PARD6G: variants seen among roughly 807,000 people sequenced by gnomAD.
PARD6G encodes the protein partitioning defective 6 homolog gamma.
In PARD6G, 7 loss-of-function variants were observed where a neutral mutation model predicts 10.7. The observed-to-expected ratio is 0.66, with a 90% CI of 0.37 to 1.23. The LOEUF (loss-of-function observed/expected upper bound fraction) is 1.23. Ranked by LOEUF, PARD6G falls within the 50% of genes most tolerant of loss-of-function variation. The pLI, the probability that PARD6G is intolerant of heterozygous loss-of-function variation, is 0.02. For synonymous variants in PARD6G, 287 were observed against 269.4 expected (o/e 1.07, Z -0.64); for missense variants, 548 against 571.8 (o/e 0.96, Z 0.42).
In PARD6G at chr18:80,228,026, G is replaced by A. The variant is rs1967313300; in HGVS notation, c.72+19251C>T. On this transcript the variant is annotated intron_variant, in intron 1 of 2. Transcript: ENST00000353265. The surrounding 1 kb of genome is among the most constrained non-coding windows in gnomAD (Gnocchi z 4.6). The stretch of plus-strand genomic sequence containing the variant: ...ATTGAACCCGTATTTTCCTGTGCTG[G>A]GCTGAACGGTGAAAGAAAAATATGG... 6.6e-6 allele frequency among the ~76,000 whole-genome samples: 1 copy of A among 152,144 alleles called. No individual in the cohort carries two copies. Among genetic ancestry groups the A allele is most frequent in the African/African-American group, 2.4e-5 (1 of 41,428 alleles).
intron 2 of PARD6G, among the ~76,000 whole-genome samples, chr18:80,167,359 A>G (rs1204341595): frequency 2.6e-5 from 4 of 152,102 alleles, no homozygotes; most frequent in Non-Finnish European, 4.4e-5. Context: ...TGTGTGCAGG[A>G]TAACACATGG....
At chr18:80,202,643 A>C (rs1967018272) in intron 2 of PARD6G, 67 bp downstream of exon 2, 1 of 1,435,728 alleles carries the variant, frequency 7.0e-7, no homozygotes, top group Non-Finnish European at 9.7e-7. Flanking sequence ...TGACAGAAAA[A>C]ATTGAAAACT....
At position 80,188,487 on chromosome 18, in the gene PARD6G, C is replaced by T. The variant is rs555980537; in HGVS notation, c.295+14223G>A. ...CCTGGGCAGCAGAAGTTGCCCTGCC[C>T]CAAGTTCTGACAGCCCAAAACCCGG... On this transcript the variant is annotated intron_variant, in intron 2 of 2. Transcript: ENST00000353265. The surrounding 1 kb of genome is among the most constrained non-coding windows in gnomAD (Gnocchi z 5.4). Among the ~76,000 whole-genome samples the T allele has an allele frequency of 2.0e-5, 3 of 152,302 alleles. No individual in the cohort carries two copies. The highest frequency in any genetic ancestry group is 2.0e-4 in the Admixed American group (3 of 15,302).
At chr18:80,204,707 G>C (rs1599863554) in intron 1 of PARD6G, among the ~76,000 whole-genome samples, 1 of 151,940 alleles carries the variant, frequency 6.6e-6, no homozygotes. Flanking sequence ...CCAGCAGTTT[G>C]GGAGGCCAAG....
chr18:80,178,629 C>T (rs2052830248), intron 2 of PARD6G, among the ~76,000 whole-genome samples: 2 of 152,244 alleles, frequency 1.3e-5, no homozygotes, highest in African/African-American at 4.8e-5. Flanking sequence ...CCCCCAGTCT[C>T]CCTAGCAACG....
chr18:80,186,577 A>C (rs1599855850), intron 2 of PARD6G, among the ~76,000 whole-genome samples: 1 of 149,000 alleles, frequency 6.7e-6, no homozygotes, highest in Non-Finnish European at 1.5e-5. Context: ...GCCCTTGCAC[A>C]CCCCCCCAAA....
At position 80,201,064 on chromosome 18, in the gene PARD6G, G is replaced by C. The variant is rs1967003047; in HGVS notation, c.295+1646C>G. ...AAATGCTGTGACCTGGGATGGCAGG[G>C]GCACAGCCAGGAACACACCCCCACC... On this transcript the variant is annotated intron_variant, in intron 2 of 2. Transcript: ENST00000353265. The surrounding 1 kb of genome is among the most constrained non-coding windows in gnomAD (Gnocchi z 5.9). Among the ~76,000 whole-genome samples the C allele has an allele frequency of 6.6e-6, 1 of 152,192 alleles. No homozygotes were observed. Among genetic ancestry groups the C allele is most frequent in the Non-Finnish European group, 1.5e-5 (1 of 68,042 alleles).
intron 1 of PARD6G, among the ~76,000 whole-genome samples, chr18:80,218,998 C>G (rs953355387): frequency 1.3e-5 from 2 of 152,254 alleles, no homozygotes; most frequent in African/African-American, 4.8e-5. Flanking sequence ...AGTGCCAAGG[C>G]TGCAGACAGC....
rs1351593781 is a variant in PARD6G, at chr18:80,189,928, A to AATTCAGTGTTTTTTAGTAT, written c.295+12763_295+12781dup. On this transcript the variant is annotated intron_variant, in intron 2 of 2. Transcript: ENST00000353265. The surrounding 1 kb of genome is among the most constrained non-coding windows in gnomAD (Gnocchi z 5.5). ...AAGAGCTCATTCTCTTAAAGTGTAC[A>AATTCAGTGTTTTTTAGTAT]ATTCAGTGTTTTTTAGTATATTCAG... 9.8e-5 allele frequency among the ~76,000 whole-genome samples: 15 copies of AATTCAGTGTTTTTTAGTAT among 152,304 alleles called. No homozygotes were observed. The highest frequency in any genetic ancestry group is 3.6e-4 in the African/African-American group (15 of 41,556).
rs952386220 is a variant in PARD6G, at chr18:80,188,356, T to C, written c.295+14354A>G. On this transcript the variant is annotated intron_variant, in intron 2 of 2. Coordinates refer to ENST00000353265, the MANE Select transcript of PARD6G (RefSeq NM_032510.4). This position sits in a 1 kb window ranked among gnomAD's most constrained non-coding sequence, Gnocchi z 5.4. ...TGTCTTGGGGAACAGAGACTTGGATTCCAGTGCTGGTGTCTCTTCCAACAA... is the reference window on the plus strand; with the variant it reads ...TGTCTTGGGGAACAGAGACTTGGATCCCAGTGCTGGTGTCTCTTCCAACAA... Among the ~76,000 whole-genome samples, 1 of 152,164 alleles carries C rather than the reference T, an allele frequency of 6.6e-6. No individual in the cohort carries two copies. Among genetic ancestry groups the C allele is most frequent in the Non-Finnish European group, 1.5e-5 (1 of 68,022 alleles).
chr18:80,202,266 T>C (rs776427532), intron 2 of PARD6G, among the ~76,000 whole-genome samples: 3 of 152,174 alleles, frequency 2.0e-5, no homozygotes, highest in Non-Finnish European at 4.4e-5. Flanking sequence ...TAGTAATTTA[T>C]TTTAACATAA....
chr18:80,222,419 C>T (rs1967241919), intron 1 of PARD6G, among the ~76,000 whole-genome samples: 2 of 152,258 alleles, frequency 1.3e-5, no homozygotes, highest in South Asian at 2.1e-4. Context: ...GACAGCAATA[C>T]TCCCCAAATT....
chr18:80,223,593 T>G (rs9956658), intron 1 of PARD6G, among the ~76,000 whole-genome samples: 3,909 of 152,296 alleles, frequency 0.026, 162 homozygotes, highest in African/African-American at 0.089. Context: ...GTGGGAATCT[T>G]AACCCTCACA....
intron 1 of PARD6G, among the ~76,000 whole-genome samples, chr18:80,221,340 A>G (rs533427325): frequency 6.6e-6 from 1 of 152,340 alleles, no homozygotes; most frequent in Admixed American, 6.5e-5. Context: ...ATATCTAGCA[A>G]CATATAAAAA....
chr18:80,204,816 T>C (rs112034999), intron 1 of PARD6G, among the ~76,000 whole-genome samples: 2,486 of 152,152 alleles, frequency 0.016, 71 homozygotes, highest in African/African-American at 0.057. Flanking sequence ...CCAGGCATGG[T>C]GGCACACACC....
chr18:80,225,362 T>G (rs534067138), intron 1 of PARD6G, among the ~76,000 whole-genome samples: 1 of 152,236 alleles, frequency 6.6e-6, no homozygotes, highest in Non-Finnish European at 1.5e-5. Context: ...CCATCACTCA[T>G]GCAAAGGCCC....
At position 80,175,525 on chromosome 18, in the gene PARD6G, C is replaced by A. The variant is rs568612250; in HGVS notation, c.296-14919G>T. On this transcript the variant is annotated intron_variant, in intron 2 of 2. Coordinates refer to ENST00000353265, the MANE Select transcript of PARD6G (RefSeq NM_032510.4). The surrounding 1 kb of genome is among the most constrained non-coding windows in gnomAD (Gnocchi z 6.7). The stretch of plus-strand genomic sequence containing the variant: ...CGATCTTATTTAACCTTCATCACCC[C>A]CTAAAGACACTGTCTCCAGATACAG... 3.3e-5 allele frequency among the ~76,000 whole-genome samples: 5 copies of A among 152,276 alleles called. No individual in the cohort carries two copies. In the East Asian group the frequency reaches 9.7e-4, roughly 29 times the overall value.
At chr18:80,221,589 G>A (rs886178006) in intron 1 of PARD6G, among the ~76,000 whole-genome samples, 8 of 152,028 alleles carry the variant, frequency 5.3e-5, no homozygotes, top group East Asian at 1.9e-4. Context: ...AAAACTCACC[G>A]CTAACATCAT....
intron 2 of PARD6G, among the ~76,000 whole-genome samples, chr18:80,167,966 G>A (rs1445000115): frequency 6.6e-6 from 1 of 152,164 alleles, no homozygotes; most frequent in Admixed American, 6.5e-5. Flanking sequence ...CATAGGCAGG[G>A]GGCAAAAGAG....
Sources: allele counts gnomAD v4.1 joint callset (sites outside exome capture counted in the v4.1 genomes callset), GRCh38; gene constraint gnomAD v4.1.1; non-coding constraint Gnocchi (gnomAD v3.1); transcripts MANE v1.5; gene names NCBI Gene and HGNC (gene_info 2026-07-23, HGNC 2026-07-21).